The following CCDC97 variants were observed in gnomAD, a reference collection of about 807,000 sequenced individuals.
The protein encoded by CCDC97 is coiled-coil domain-containing protein 97.
In CCDC97, 27 loss-of-function variants were observed where a neutral mutation model predicts 33.9. That is an observed-to-expected ratio of 0.80 (90% confidence interval 0.59 to 1.10). The LOEUF (loss-of-function observed/expected upper bound fraction) is 1.10. CCDC97 is among the 50% of genes least tolerant of loss of function. CCDC97 has a pLI of 0.00. For missense variants in CCDC97, 422 were observed against 476.6 expected (o/e 0.89, Z 1.07); for synonymous variants, 217 against 194.0 (o/e 1.12, Z -0.99).
chr19:41,319,385 C>T (rs979624895), intron 2 of CCDC97, among the ~76,000 whole-genome samples, 189 bp from the exon 3 acceptor site: 5 of 152,056 alleles, frequency 3.3e-5, no homozygotes, highest in African/African-American at 1.2e-4. Context: ...ACGCACGCCT[C>T]AGGCGCCTGC....
At chr19:41,319,186 C>CA (rs1314780660) in intron 2 of CCDC97, among the ~76,000 whole-genome samples, 2 of 152,244 alleles carry the variant, frequency 1.3e-5, no homozygotes, top group Non-Finnish European at 2.9e-5. Flanking sequence ...CCCATGCACA[C>CA]ACATGCTTGG....
chr19:41,322,506 C>A, intron 4 of CCDC97, 89 bp from the exon 5 acceptor site: 1 of 1,441,742 alleles, frequency 6.9e-7, no homozygotes, highest in Non-Finnish European at 9.5e-7. Flanking sequence ...CAGCACATGG[C>A]CTTTGACATC....
intron 2 of CCDC97, among the ~76,000 whole-genome samples, chr19:41,317,566 T>TA (rs777241308): frequency 2.6e-5 from 4 of 151,472 alleles, no homozygotes; most frequent in Non-Finnish European, 5.9e-5. Context: ...CTACAAAAAA[T>TA]ACAAAAATTA....
At chr19:41,319,262 C>T (rs2037786518) in intron 2 of CCDC97, among the ~76,000 whole-genome samples, 2 of 152,252 alleles carry the variant, frequency 1.3e-5, no homozygotes, top group Admixed American at 6.5e-5. Flanking sequence ...CAGGTGCCTG[C>T]ACGAGTAATC....
Position 41,322,842 on chromosome 19 carries a change from C to T in CCDC97, c.*127C>T, listed in dbSNP as rs1258107009. The T allele has an allele frequency of 4.9e-5, 54 of 1,096,574 alleles. No individual in the cohort carries two copies. Among genetic ancestry groups the T allele is most frequent in the Non-Finnish European group, 5.2e-6 (4 of 772,410 alleles). The allele number at this position is 1,096,574 out of a possible 1,614,324, so 67.9% of individuals were successfully genotyped here. On this transcript the variant is annotated 3_prime_UTR_variant, in exon 5 of 5. Transcript: ENST00000269967. ...GTGCCCCACAACCCACACACACCACCATCTCACTGGGTCTAGTCTCATCTC... is the reference window on the plus strand; with the variant it reads ...GTGCCCCACAACCCACACACACCACTATCTCACTGGGTCTAGTCTCATCTC...
rs138815567 is a variant in CCDC97 at position 41,310,319 on chromosome 19, C to T, written c.9C>T (p.Ala3=). 10,416 of 1,604,878 alleles carry T rather than the reference C, an allele frequency of 6.5e-3. 31 individuals are homozygous for T. The highest frequency in any genetic ancestry group is 7.7e-3 in the Non-Finnish European group (9,109 of 1,176,088). The change falls in exon 1 of 5, where the codon GCC becomes GCT. Residue 3 remains alanine, a synonymous_variant. Coordinates refer to ENST00000269967, the MANE Select transcript of CCDC97 (RefSeq NM_052848.3). ...AGTCCGAGAGAATCAGGATGGAGGC[C>T]GTGGCGACGGCGACGGCGGCGAAGG... ME[A]VATATAAKEP...
rs201790638 is a variant in CCDC97, at chr19:41,316,844, G to A, written c.502+5G>A. 8 of 1,576,744 alleles carry A rather than the reference G, an allele frequency of 5.1e-6. No homozygotes were observed. In the East Asian group the frequency reaches 1.6e-4, roughly 31 times the overall value. On this transcript the variant is annotated splice_donor_5th_base_variant and intron_variant, in intron 2 of 4. Coordinates refer to ENST00000269967, the MANE Select transcript of CCDC97 (RefSeq NM_052848.3). ...CCCTGCGAGAGCTGATCCAAGGTGT[G>A]GGGGCCAGATGGGCGACAGTGGGCA...
chr19:41,322,718 GCCGC>G lies in CCDC97; in HGVS notation c.*5_*8del. On this transcript the variant is annotated 3_prime_UTR_variant, in exon 5 of 5. Coordinates refer to ENST00000269967, the MANE Select transcript of CCDC97 (RefSeq NM_052848.3). ...GCCCAGAGCTGGATGGGGACTGATG[GCCGC>G]CACCCTTCCCACCGCCTGCCCCATC... The G allele has an allele frequency of 6.2e-7, 1 of 1,612,454 alleles. No homozygotes were observed. The highest frequency in any genetic ancestry group is 8.5e-7 in the Non-Finnish European group (1 of 1,179,096).
In CCDC97 at chr19:41,316,738, TCTA is replaced by T. The variant is rs1253728501; in HGVS notation, c.404_406del (p.Tyr135del). ...GTGCGTGGCGACCACCGTGCAGACT[TCTA>T]CTGTGCTGAGGTGGCCCGGCAGGGC... On this transcript the variant is annotated inframe_deletion, in exon 2 of 5. Transcript: ENST00000269967. The T allele has an allele frequency of 8.1e-6, 13 of 1,613,704 alleles. No individual in the cohort carries two copies. The highest frequency in any genetic ancestry group is 3.3e-5 in the Admixed American group (2 of 59,994).
rs530068399 is a variant in CCDC97, at chr19:41,319,345, G to A, written c.503-229G>A. ...TTCAGGCACCTGCATGAGTATTCAC[G>A]TGCATGCCTCAGGCGCCTGCATTAT... On this transcript the variant is annotated intron_variant, in intron 2 of 4. Transcript: ENST00000269967. 3.7e-4 allele frequency among the ~76,000 whole-genome samples: 57 copies of A among 152,252 alleles called. 2 individuals carry two copies. In the South Asian group the frequency reaches 9.7e-3, roughly 26 times the overall value.
At chr19:41,315,296 CAAAAAA>C (rs71177714) in intron 1 of CCDC97, among the ~76,000 whole-genome samples, 3 of 41,728 alleles carry the variant, frequency 7.2e-5, no homozygotes, top group Admixed American at 2.9e-4. Context: ...GACTCCGTCT[CAAAAAA>C]AAAAAAAAAA....
rs146950710 is a variant in CCDC97 at position 41,320,811 on chromosome 19, C to T, written c.911+341C>T. Reference sequence around the variant, plus strand: ...TCTCCCTAGGAAGCCCAACCTCTTCCGCTTCACCTTGGACCTCCTCATGCT... The same window carrying T: ...TCTCCCTAGGAAGCCCAACCTCTTCTGCTTCACCTTGGACCTCCTCATGCT... On this transcript the variant is annotated intron_variant, in intron 4 of 4. Transcript: ENST00000269967. The T allele has an allele frequency of 1.3e-3, 318 of 253,874 alleles. 3 individuals are homozygous for T. Among genetic ancestry groups the T allele is most frequent in the African/African-American group, 6.6e-3 (297 of 44,842 alleles). 15.7% of individuals were successfully genotyped at this position (253,874 alleles called of 1,614,324 possible). A position where few individuals can be genotyped will look rare whatever the true frequency, so the allele number is the denominator to read the frequency against.
chr19:41,316,156 G>A (rs1254048460), intron 1 of CCDC97, among the ~76,000 whole-genome samples: 4 of 152,146 alleles, frequency 2.6e-5, no homozygotes, highest in South Asian at 2.1e-4. Flanking sequence ...TTATTTTTCC[G>A]CATAACTCCA....
rs547470832 is a variant in CCDC97 at position 41,310,673 on chromosome 19, T to C, written c.46+317T>C. ...CTCTACCCCGGCCTAATTCCTGCAT[T>C]GCCTCAGACCAGCCCTTCTCAAATT... On this transcript the variant is annotated intron_variant, in intron 1 of 4. Transcript: ENST00000269967. 3.9e-5 allele frequency: 50 copies of C among 1,292,118 alleles called. No homozygotes were observed. In the East Asian group the frequency reaches 1.5e-3, roughly 38 times the overall value. 80.0% of individuals were successfully genotyped at this position (1,292,118 alleles called of 1,614,324 possible).
At chr19:41,321,529 A>T (rs1421891216) in intron 4 of CCDC97, among the ~76,000 whole-genome samples, 1 of 152,216 alleles carries the variant, frequency 6.6e-6, no homozygotes, top group South Asian at 2.1e-4. Context: ...GGGGACCAAA[A>T]CCAACGAAAG....
chr19:41,316,092 C>T (rs1226808382), intron 1 of CCDC97, among the ~76,000 whole-genome samples: 1 of 152,072 alleles, frequency 6.6e-6, no homozygotes, highest in Non-Finnish European at 1.5e-5. Context: ...GACCCTGTCT[C>T]GAAAATAAAA....
chr19:41,316,622 C>A lies in CCDC97; in HGVS notation c.285C>A (p.Ile95=). 2 of 1,614,214 alleles carry A rather than the reference C, an allele frequency of 1.2e-6. No homozygotes were observed. Among genetic ancestry groups the A allele is most frequent in the Admixed American group, 3.3e-5 (2 of 60,028 alleles). The change falls in exon 2 of 5, where the codon ATC becomes ATA. Residue 95 remains isoleucine (I), a synonymous_variant. Transcript: ENST00000269967. ...TGACAGAGCATGAGAAAGTGGCCAT[C>A]CTGGCCCAGCTGTACCACGAGAAGC... ...PDLTEHEKVA[I]LAQLYHEKPL... is the part of the protein sequence containing the mutation.
At chr19:41,310,427 G>T in intron 1 of CCDC97, 71 bp downstream of exon 1, 1 of 1,548,914 alleles carries the variant, frequency 6.5e-7, no homozygotes, top group South Asian at 1.2e-5. Context: ...ATTCCCCCAG[G>T]AACGCGAAGT....
Position 41,312,785 on chromosome 19 carries a change from C to T in CCDC97, c.46+2429C>T, listed in dbSNP as rs115879458. ...CTCCAATCTCTGCTTCCCCTTTTGACGTTGCCTTCTTTTTTTTTAAGACGG... is the reference window on the plus strand; with the variant it reads ...CTCCAATCTCTGCTTCCCCTTTTGATGTTGCCTTCTTTTTTTTTAAGACGG... On this transcript the variant is annotated intron_variant, in intron 1 of 4. Coordinates refer to ENST00000269967, the MANE Select transcript of CCDC97 (RefSeq NM_052848.3). Among the ~76,000 whole-genome samples, 746 of 152,114 alleles carry T rather than the reference C, an allele frequency of 4.9e-3. 5 individuals are homozygous for T. Among genetic ancestry groups the T allele is most frequent in the African/African-American group, 0.017 (693 of 41,504 alleles).
Sources: allele counts gnomAD v4.1 joint callset (sites outside exome capture counted in the v4.1 genomes callset), GRCh38; gene constraint gnomAD v4.1.1; transcripts MANE v1.5; gene names NCBI Gene and HGNC (gene_info 2026-07-23, HGNC 2026-07-21).